Variants in TFDP2 observed in about 807,000 individuals in gnomAD.
TFDP2 encodes transcription factor Dp-2 (E2F dimerization partner 2).
In TFDP2, 17 loss-of-function variants were observed where a neutral mutation model predicts 59.3. The ratio of observed to expected loss-of-function variants is 0.29; its 90% confidence interval spans 0.20 to 0.43. The LOEUF is 0.43. Among genes scored for constraint, TFDP2 ranks in the 20% least tolerant of loss-of-function variants. The pLI is 1.00. For missense variants in TFDP2, 391 were observed against 528.8 expected (o/e 0.74, Z 2.56); for synonymous variants, 180 against 194.7 (o/e 0.92, Z 0.63).
At chr3:142,038,403 AAAAAG>A (rs1946798627) in intron 3 of TFDP2, among the ~76,000 whole-genome samples, 1 of 151,054 alleles carries the variant, frequency 6.6e-6, no homozygotes, top group Non-Finnish European at 1.5e-5. Context: ...AAAAAAAAAA[AAAAAG>A]AGAATAAGTA....
At chr3:142,099,063 T>C (rs1384315379) in intron 2 of TFDP2, among the ~76,000 whole-genome samples, 1 of 152,112 alleles carries the variant, frequency 6.6e-6, no homozygotes, top group Non-Finnish European at 1.5e-5. Context: ...AATGAGAAAA[T>C]TTAAAATGTA....
intron 3 of TFDP2, among the ~76,000 whole-genome samples, chr3:142,080,409 A>ATT (rs2108579501): frequency 6.6e-6 from 1 of 152,356 alleles, no homozygotes; most frequent in Admixed American, 6.5e-5. Flanking sequence ...CTTAACTAAA[A>ATT]GGAACGCAGG....
At chr3:142,141,441 T>C (rs559475420) in intron 1 of TFDP2, among the ~76,000 whole-genome samples, 28 of 152,204 alleles carry the variant, frequency 1.8e-4, no homozygotes, top group Admixed American at 3.9e-4. Flanking sequence ...AAATCACCCA[T>C]CTTCTGCATC....
intron 7 of TFDP2, among the ~76,000 whole-genome samples, chr3:141,977,457 G>A (rs1359349603): frequency 2.6e-5 from 4 of 151,162 alleles, no homozygotes; most frequent in African/African-American, 9.7e-5. Context: ...TAGAGGCAGA[G>A]CCTTGCCATT....
intron 3 of TFDP2, among the ~76,000 whole-genome samples, chr3:142,083,338 G>A (rs1270892589): frequency 6.6e-6 from 1 of 152,044 alleles, no homozygotes. Flanking sequence ...ATAAAATACT[G>A]ATGAAAGAAA....
At chr3:141,976,584 T>C (rs905587824) in intron 7 of TFDP2, among the ~76,000 whole-genome samples, 1 of 152,134 alleles carries the variant, frequency 6.6e-6, no homozygotes, top group Non-Finnish European at 1.5e-5. Flanking sequence ...CAAAGACTGC[T>C]CTAGGCAAAG....
At chr3:142,073,763 C>T (rs1028146011) in intron 3 of TFDP2, among the ~76,000 whole-genome samples, 2 of 152,056 alleles carry the variant, frequency 1.3e-5, no homozygotes, top group Non-Finnish European at 2.9e-5. Flanking sequence ...ATCATAAAAC[C>T]ATCACCTCTA....
chr3:142,063,919 T>C (rs962986564), intron 3 of TFDP2, among the ~76,000 whole-genome samples: 22 of 152,172 alleles, frequency 1.4e-4, no homozygotes, highest in African/African-American at 5.1e-4. Flanking sequence ...TCCACTTTCA[T>C]ATACCCTACC....
intron 3 of TFDP2, among the ~76,000 whole-genome samples, chr3:142,078,718 T>C (rs2060543741): frequency 6.6e-6 from 1 of 151,986 alleles, no homozygotes; most frequent in African/African-American, 2.4e-5. Flanking sequence ...ACAATAAATA[T>C]ATAACTCGTC....
chr3:142,130,098 T>C (rs1324135241), intron 1 of TFDP2, among the ~76,000 whole-genome samples: 1 of 152,098 alleles, frequency 6.6e-6, no homozygotes, highest in Non-Finnish European at 1.5e-5. Flanking sequence ...CTTTTGGGTA[T>C]ATACTCCAAA....
At chr3:142,134,390 C>T (rs151195824) in intron 1 of TFDP2, among the ~76,000 whole-genome samples, 2,231 of 151,894 alleles carry the variant, frequency 0.015, 32 homozygotes, top group South Asian at 0.043. Context: ...CTGAGAGTTT[C>T]CTATTTCAGA....
chr3:141,952,766 A>G, intron 12 of TFDP2, 70 bp from the exon 13 acceptor site: 10 of 1,593,648 alleles, frequency 6.3e-6, no homozygotes, highest in Non-Finnish European at 8.6e-6. Flanking sequence ...ATAGGAATAA[A>G]AACAGGAAGG....
At chr3:142,014,031 AATACAT>A (rs1944933219) in intron 3 of TFDP2, among the ~76,000 whole-genome samples, 1 of 152,172 alleles carries the variant, frequency 6.6e-6, no homozygotes, top group African/African-American at 2.4e-5. Context: ...TATAAGAAAT[AATACAT>A]ATTTTTTGTG....
At chr3:141,999,759 G>A (rs190212503) in intron 4 of TFDP2, among the ~76,000 whole-genome samples, 8 of 148,952 alleles carry the variant, frequency 5.4e-5, no homozygotes, top group East Asian at 3.9e-4. Context: ...TTTTTGAGAC[G>A]GAGTCTGGCT....
chr3:142,122,680 C>T (rs999045866), intron 1 of TFDP2, among the ~76,000 whole-genome samples: 5 of 152,136 alleles, frequency 3.3e-5, no homozygotes, highest in African/African-American at 1.2e-4. Flanking sequence ...AAGCAACACA[C>T]AGTTACTGGC....
chr3:142,038,732 A>ATT (rs144925142), intron 3 of TFDP2, among the ~76,000 whole-genome samples: 2 of 151,252 alleles, frequency 1.3e-5, no homozygotes, highest in Non-Finnish European at 2.9e-5. Context: ...TATGATACAT[A>ATT]TTTTTTTTTA....
chr3:141,968,655 GAT>G (rs1218970263), intron 9 of TFDP2, among the ~76,000 whole-genome samples: 43 of 80,002 alleles, frequency 5.4e-4, no homozygotes, highest in African/African-American at 2.1e-3. Flanking sequence ...CTCATATATA[GAT>G]ATATATAACA....
At chr3:142,120,109 T>A (rs770518917) in intron 1 of TFDP2, among the ~76,000 whole-genome samples, 2 of 150,614 alleles carry the variant, frequency 1.3e-5, no homozygotes, top group Non-Finnish European at 2.9e-5. Flanking sequence ...ATGCCTGTAA[T>A]CTCAGCACTT....
intron 3 of TFDP2, among the ~76,000 whole-genome samples, chr3:142,019,746 C>T (rs1945447972): frequency 6.6e-6 from 1 of 151,686 alleles, no homozygotes; most frequent in South Asian, 2.1e-4. Flanking sequence ...GTGACAGATC[C>T]AAGGTTTTCC....
Sources: allele counts gnomAD v4.1 joint callset (sites outside exome capture counted in the v4.1 genomes callset), GRCh38; gene constraint gnomAD v4.1.1; transcripts MANE v1.5; gene names NCBI Gene and HGNC (gene_info 2026-07-23, HGNC 2026-07-21).